Variants in NTNG1 observed in about 807,000 individuals in gnomAD.
The protein encoded by NTNG1 is netrin-G1.
A neutral mutation model predicts 54.0 loss-of-function variants in NTNG1; 16 were observed. The observed-to-expected ratio is 0.30, with a 90% CI of 0.20 to 0.45. The LOEUF is 0.45. Ranked by LOEUF, NTNG1 falls within the 20% of genes least tolerant of loss-of-function variation. NTNG1 has a pLI of 1.00. For synonymous variants in NTNG1, 255 were observed against 263.1 expected, an observed-to-expected ratio of 0.97 and a Z score of 0.30; for missense variants, 530 against 678.7, an observed-to-expected ratio of 0.78 and a Z score of 2.43.
At chr1:107,170,364 G>A (rs947225029) in intron 2 of NTNG1, among the ~76,000 whole-genome samples, 34 of 152,132 alleles carry the variant, frequency 2.2e-4, no homozygotes, top group African/African-American at 7.9e-4. Flanking sequence ...ATTCAAATGA[G>A]TAGCAAATTT....
chr1:107,368,186 T>G (rs560826749), intron 3 of NTNG1, among the ~76,000 whole-genome samples: 7 of 152,254 alleles, frequency 4.6e-5, no homozygotes, highest in African/African-American at 1.7e-4. Context: ...TTACCTCTGG[T>G]TCCAATGTCT....
chr1:107,349,287 G>T (rs1669451271), intron 3 of NTNG1, among the ~76,000 whole-genome samples: 1 of 152,036 alleles, frequency 6.6e-6, no homozygotes, highest in Non-Finnish European at 1.5e-5. Context: ...TTACCCTGTT[G>T]TTGTTGTTCG....
chr1:107,321,704 G>A (rs1440364791), intron 2 of NTNG1, among the ~76,000 whole-genome samples: 1 of 152,090 alleles, frequency 6.6e-6, no homozygotes, highest in Non-Finnish European at 1.5e-5. Flanking sequence ...AGGTATATCA[G>A]ATTATGATAA....
chr1:107,279,897 C>T (rs932500787), intron 2 of NTNG1, among the ~76,000 whole-genome samples: 2 of 151,974 alleles, frequency 1.3e-5, no homozygotes, highest in Non-Finnish European at 2.9e-5. Flanking sequence ...CTCAAGCAGT[C>T]CTCCCACCAT....
chr1:107,320,976 A>C (rs1426063407), intron 2 of NTNG1, among the ~76,000 whole-genome samples: 1 of 152,108 alleles, frequency 6.6e-6, no homozygotes, highest in African/African-American at 2.4e-5. Context: ...CAAATGAAGG[A>C]CGAAACTGTC....
intron 3 of NTNG1, among the ~76,000 whole-genome samples, chr1:107,334,456 A>G (rs1668462134): frequency 6.6e-6 from 1 of 151,776 alleles, no homozygotes; most frequent in African/African-American, 2.4e-5. Flanking sequence ...CAGATGGGGG[A>G]AGGGTGGGCC....
Position 107,364,752 on chromosome 1 carries a change from T to G in NTNG1, c.888-30402T>G, listed in dbSNP as rs183318384. ...TGAATGCTTATCTACTCTGAATCAA[T>G]TATTCTACCTTTACAGATAAGAGTA... On this transcript the variant is annotated intron_variant, in intron 3 of 7. Transcript: ENST00000370068. Among the ~76,000 whole-genome samples, 14 of 152,328 alleles carry G rather than the reference T, an allele frequency of 9.2e-5. No homozygotes were observed. In the East Asian group the frequency reaches 2.3e-3, roughly 25 times the overall value.
intron 2 of NTNG1, among the ~76,000 whole-genome samples, chr1:107,188,954 A>T (rs1015506320): frequency 6.6e-6 from 1 of 152,118 alleles, no homozygotes; most frequent in Admixed American, 6.6e-5. Context: ...AAATCAATGG[A>T]ATTTTTCAGA....
At chr1:107,251,143 T>C (rs1166592175) in intron 2 of NTNG1, among the ~76,000 whole-genome samples, 1 of 152,198 alleles carries the variant, frequency 6.6e-6, no homozygotes, top group African/African-American at 2.4e-5. Context: ...TGACTGACTC[T>C]TCTAGTTGAA....
chr1:107,458,287 T>C (rs1366420524), intron 7 of NTNG1, among the ~76,000 whole-genome samples: 1 of 152,152 alleles, frequency 6.6e-6, no homozygotes, highest in East Asian at 1.9e-4. Flanking sequence ...CTATATCATT[T>C]TAAATTTAAC....
chr1:107,294,339 A>C (rs960878060), intron 2 of NTNG1, among the ~76,000 whole-genome samples: 3 of 152,202 alleles, frequency 2.0e-5, no homozygotes, highest in African/African-American at 7.2e-5. Flanking sequence ...TGGTATGAAT[A>C]AGGCCAAAGT....
intron 7 of NTNG1, among the ~76,000 whole-genome samples, chr1:107,469,654 CGACCATGTTG>C (rs891906843): frequency 1.3e-5 from 2 of 151,916 alleles, no homozygotes; most frequent in African/African-American, 4.8e-5. Flanking sequence ...AGCCTGGGTT[CGACCATGTTG>C]GCTGGTCTTG....
intron 2 of NTNG1, among the ~76,000 whole-genome samples, chr1:107,284,763 C>G (rs1180083364): frequency 1.3e-5 from 2 of 151,912 alleles, no homozygotes; most frequent in African/African-American, 4.8e-5. Flanking sequence ...GCTTTTTTCT[C>G]CATTACAGTA....
rs2101639932 is a variant in NTNG1 at position 107,258,013 on chromosome 1, C to G, written c.247-66269C>G. On this transcript the variant is annotated intron_variant, in intron 2 of 7. Transcript: ENST00000370068. The stretch of plus-strand genomic sequence containing the variant: ...ACATCATCGGTGATAATAGGAGCTC[C>G]TTTCCCATTTTAAAATTTTGGACAT... Among the ~76,000 whole-genome samples, 3 of 152,224 alleles carry G rather than the reference C, an allele frequency of 2.0e-5. No individual in the cohort carries two copies. The South Asian group carries it at 6.2e-4, about 32-fold the overall frequency.
chr1:107,208,049 A>G (rs1659325582), intron 2 of NTNG1, among the ~76,000 whole-genome samples: 1 of 152,172 alleles, frequency 6.6e-6, no homozygotes, highest in Non-Finnish European at 1.5e-5. Flanking sequence ...TCGTGGAAAC[A>G]GAGCTGATGC....
intron 2 of NTNG1, among the ~76,000 whole-genome samples, chr1:107,281,030 C>T (rs1056115133): frequency 1.1e-4 from 16 of 152,194 alleles, no homozygotes; most frequent in African/African-American, 3.9e-4. Flanking sequence ...CCCTTACTCT[C>T]ATGTAACCCT....
At chr1:107,170,332 C>T (rs988651947) in intron 2 of NTNG1, among the ~76,000 whole-genome samples, 4 of 151,890 alleles carry the variant, frequency 2.6e-5, no homozygotes, top group African/African-American at 9.7e-5. Flanking sequence ...TTTCTTGGGC[C>T]ACATCAATGT....
At chr1:107,320,405 C>G (rs1257396536) in intron 2 of NTNG1, among the ~76,000 whole-genome samples, 1 of 151,988 alleles carries the variant, frequency 6.6e-6, no homozygotes, top group African/African-American at 2.4e-5. Context: ...TTTTGTAAGT[C>G]AGAAAAAGTT....
chr1:107,314,392 C>T (rs1380373083), intron 2 of NTNG1, among the ~76,000 whole-genome samples: 6 of 149,678 alleles, frequency 4.0e-5, no homozygotes, highest in African/African-American at 1.2e-4. Context: ...AGGGAGAATC[C>T]GTCTCAATAA....
Sources: gnomAD v4.1 joint callset for allele counts (sites outside exome capture counted in the v4.1 genomes callset) on GRCh38, gnomAD v4.1.1 for gene constraint, MANE v1.5 for transcripts, NCBI Gene and HGNC (gene_info 2026-07-23, HGNC 2026-07-21) for gene names.